Variants in VDAC1 observed in about 807,000 individuals in gnomAD.
VDAC1 encodes voltage dependent anion channel 1.
VDAC1 carries 10 observed loss-of-function variants against 34.7 expected under a neutral mutation model. The ratio of observed to expected loss-of-function variants is 0.29; its 90% CI spans 0.18 to 0.49. The LOEUF (loss-of-function observed/expected upper bound fraction) is 0.49, where lower values mean the gene tolerates loss of function less well. VDAC1 is among the 20% of genes least tolerant of loss of function. The pLI, the probability that VDAC1 is intolerant of heterozygous loss-of-function variation, is 0.99. For missense variants in VDAC1, 230 were observed against 347.9 expected (o/e 0.66, Z 2.69); for synonymous variants, 130 against 136.0 (o/e 0.96, Z 0.30).
At chr5:134,086,624 C>T in the VDAC1 span, among the ~76,000 whole-genome samples, 1 of 152,238 alleles carries the variant, frequency 6.6e-6, no homozygotes, top group African/African-American at 2.4e-5. Flanking sequence ...CCAGGACCTC[C>T]TTCTGATCAA....
At chr5:133,991,573 T>C (rs956261618) in intron 3 of VDAC1, among the ~76,000 whole-genome samples, 3 of 152,226 alleles carry the variant, frequency 2.0e-5, no homozygotes, top group African/African-American at 7.2e-5. Context: ...ACTTATGTGG[T>C]TGAATGCAGG....
the VDAC1 span, among the ~76,000 whole-genome samples, chr5:134,031,877 G>A: frequency 6.6e-6 from 1 of 151,140 alleles, no homozygotes; most frequent in Admixed American, 6.6e-5. Flanking sequence ...CTTGAACCTG[G>A]GAGGTGGAGG....
chr5:134,110,494 G>A, the VDAC1 span, among the ~76,000 whole-genome samples: 7 of 152,250 alleles, frequency 4.6e-5, no homozygotes, highest in East Asian at 3.9e-4. Context: ...GGACACACAC[G>A]CCCCAACAAA....
chr5:134,019,072 A>C, the VDAC1 span, among the ~76,000 whole-genome samples: 1 of 152,156 alleles, frequency 6.6e-6, no homozygotes, highest in African/African-American at 2.4e-5. Context: ...CTTCCCCTGT[A>C]ATAAAATGTG....
chr5:134,081,910 C>T, the VDAC1 span: 2 of 156,640 alleles, frequency 1.3e-5, no homozygotes, highest in Admixed American at 6.5e-5. Flanking sequence ...GAGTCGGCCT[C>T]ATGAACTAGG....
intron 5 of VDAC1, among the ~76,000 whole-genome samples, chr5:133,987,936 C>A (rs1021019904): frequency 3.3e-5 from 5 of 152,088 alleles, no homozygotes; most frequent in African/African-American, 1.2e-4. Context: ...AATGCATAAC[C>A]TAAATTTAAT....
At chr5:134,025,609 A>G in the VDAC1 span, among the ~76,000 whole-genome samples, 1 of 151,258 alleles carries the variant, frequency 6.6e-6, no homozygotes, top group African/African-American at 2.4e-5. Flanking sequence ...ATTTATTTTT[A>G]TTTGAGTTCT....
chr5:134,020,374 G>A, the VDAC1 span, among the ~76,000 whole-genome samples: 9 of 151,716 alleles, frequency 5.9e-5, no homozygotes, highest in African/African-American at 2.2e-4. Flanking sequence ...TTACCCCTGA[G>A]GAAATATTTG....
At chr5:134,047,541 G>A in the VDAC1 span, among the ~76,000 whole-genome samples, 3 of 152,372 alleles carry the variant, frequency 2.0e-5, no homozygotes, top group East Asian at 1.9e-4. Context: ...CCGCACAGAA[G>A]GAAACTGGCA....
chr5:134,068,026 G>A, the VDAC1 span, among the ~76,000 whole-genome samples: 1 of 152,102 alleles, frequency 6.6e-6, no homozygotes, highest in African/African-American at 2.4e-5. Context: ...GCTGAGGCAG[G>A]AGAGTCACTT....
At chr5:134,003,220 T>G (rs570312586) in intron 1 of VDAC1, among the ~76,000 whole-genome samples, 5 of 152,176 alleles carry the variant, frequency 3.3e-5, no homozygotes, top group Non-Finnish European at 7.3e-5. Flanking sequence ...AGGGCCTCAG[T>G]GCCTCAGTCT....
At chr5:134,029,948 T>G in the VDAC1 span, among the ~76,000 whole-genome samples, 1 of 152,178 alleles carries the variant, frequency 6.6e-6, no homozygotes, top group South Asian at 2.1e-4. Flanking sequence ...GCTACAGTAA[T>G]GTAAAATGTA....
the VDAC1 span, among the ~76,000 whole-genome samples, chr5:134,102,106 A>T: frequency 2.0e-5 from 3 of 151,712 alleles, no homozygotes; most frequent in African/African-American, 7.3e-5. Flanking sequence ...TCCAAACATC[A>T]CCCTGGTTAC....
At chr5:134,067,671 G>A in the VDAC1 span, among the ~76,000 whole-genome samples, 1 of 138,862 alleles carries the variant, frequency 7.2e-6, no homozygotes, top group Non-Finnish European at 1.5e-5. Flanking sequence ...GAGGGGGAGG[G>A]CGAGGGAGGA....
chr5:134,094,313 G>A, the VDAC1 span, among the ~76,000 whole-genome samples: 1 of 152,238 alleles, frequency 6.6e-6, no homozygotes, highest in Non-Finnish European at 1.5e-5. Flanking sequence ...TGCCTTGTCT[G>A]TCTTCCCATC....
the VDAC1 span, among the ~76,000 whole-genome samples, chr5:134,019,837 T>C: frequency 6.6e-6 from 1 of 152,192 alleles, no homozygotes; most frequent in Non-Finnish European, 1.5e-5. Flanking sequence ...TGTGCTCTTA[T>C]TTCTCTAGCC....
At chr5:134,102,439 TG>T in the VDAC1 span, among the ~76,000 whole-genome samples, 1 of 149,998 alleles carries the variant, frequency 6.7e-6, no homozygotes, top group African/African-American at 2.5e-5. Flanking sequence ...GAGGCTGAGG[TG>T]GGCGGATCAC....
the VDAC1 span, among the ~76,000 whole-genome samples, chr5:134,083,349 C>T: frequency 3.9e-5 from 6 of 151,924 alleles, no homozygotes; most frequent in African/African-American, 1.5e-4. Flanking sequence ...CCACCATGCC[C>T]GGCTAATTTT....
chr5:134,018,031 C>T, the VDAC1 span, among the ~76,000 whole-genome samples: 8 of 152,190 alleles, frequency 5.3e-5, no homozygotes, highest in African/African-American at 1.9e-4. Flanking sequence ...TGTGTTAGTC[C>T]GTGTTTGTGT....
Sources: allele counts gnomAD v4.1 joint callset (sites outside exome capture counted in the v4.1 genomes callset), GRCh38; gene constraint gnomAD v4.1.1; transcripts MANE v1.5; gene names NCBI Gene and HGNC (gene_info 2026-07-23, HGNC 2026-07-21).